DOCK3: variants seen among roughly 807,000 people sequenced by gnomAD.
DOCK3 encodes dedicator of cytokinesis 3, also known as dedicator of cytokinesis protein 3.
Under a neutral mutation model 265.6 loss-of-function variants are expected in DOCK3, and 60 were observed. The ratio of observed to expected loss-of-function variants is 0.23; its 90% CI spans 0.18 to 0.28. DOCK3 has a LOEUF of 0.28. Ranked by LOEUF, DOCK3 falls within the 10% of genes least tolerant of loss-of-function variation. DOCK3 has a pLI of 1.00. For missense variants in DOCK3, 1,981 were observed against 2,594.3 expected (o/e 0.76, Z 5.14); for synonymous variants, 881 against 938.0 (o/e 0.94, Z 1.11).
At chr3:50,787,029 AG>A (rs2042219690) in intron 2 of DOCK3, 1 of 740,724 alleles carries the variant, frequency 1.4e-6, no homozygotes, top group Non-Finnish European at 2.6e-6. Context: ...CAAATTTCAC[AG>A]GAAAATTTCT....
chr3:51,277,461 G>T, intron 25 of DOCK3, 147 bp from the exon 26 acceptor site: 1 of 1,036,106 alleles, frequency 9.7e-7, no homozygotes, highest in Non-Finnish European at 1.3e-6. Context: ...TGTCCTGGGT[G>T]CCTTGACACT....
At chr3:50,900,036 G>A (rs1013489430) in intron 4 of DOCK3, among the ~76,000 whole-genome samples, 2 of 152,114 alleles carry the variant, frequency 1.3e-5, no homozygotes, top group South Asian at 2.1e-4. Flanking sequence ...CTAGGTTGGG[G>A]AAAAGTTCTC....
At chr3:51,217,277 C>A (rs1276936121) in intron 14 of DOCK3, among the ~76,000 whole-genome samples, 1 of 152,004 alleles carries the variant, frequency 6.6e-6, no homozygotes, top group Admixed American at 6.6e-5. Flanking sequence ...CTAAAAAGAT[C>A]TTTTTGACAT....
intron 9 of DOCK3, among the ~76,000 whole-genome samples, chr3:51,101,195 A>G (rs2083076322): frequency 1.4e-5 from 2 of 140,834 alleles, no homozygotes; most frequent in South Asian, 4.4e-4. Context: ...ATCTCGGCTC[A>G]CTGCAAGCTC....
At chr3:51,303,590 G>A (rs1183334644) in intron 27 of DOCK3, among the ~76,000 whole-genome samples, 1 of 152,170 alleles carries the variant, frequency 6.6e-6, no homozygotes, top group African/African-American at 2.4e-5. Flanking sequence ...TTTGGATAGG[G>A]TTTTTGTGGG....
In DOCK3 at chr3:51,188,682, T is replaced by C. The variant is rs892738900; in HGVS notation, c.1038-20092T>C. 3.9e-5 allele frequency among the ~76,000 whole-genome samples: 6 copies of C among 152,332 alleles called. No homozygotes were observed. In the South Asian group the frequency reaches 1.2e-3, roughly 32 times the overall value. The stretch of plus-strand genomic sequence containing the variant: ...TAGTTCCCACATGTAAGTGAGAATG[T>C]CTTTTCATGCCTCATTTCATTTAAA... On this transcript the variant is annotated intron_variant, in intron 12 of 52. Coordinates refer to ENST00000266037, the MANE Select transcript of DOCK3 (RefSeq NM_004947.5).
At chr3:50,812,094 C>T (rs547549891) in intron 2 of DOCK3, among the ~76,000 whole-genome samples, 16 of 152,290 alleles carry the variant, frequency 1.1e-4, no homozygotes, top group South Asian at 8.3e-4. Context: ...AGAGGGCATG[C>T]GTTGGAGCTG....
intron 7 of DOCK3, among the ~76,000 whole-genome samples, chr3:51,084,679 A>G (rs1408655398): frequency 1.3e-5 from 2 of 152,228 alleles, no homozygotes; most frequent in South Asian, 2.1e-4. Flanking sequence ...GGTAGCATAC[A>G]TATACAAATG....
chr3:51,241,808 T>A (rs2078623905), intron 21 of DOCK3, among the ~76,000 whole-genome samples: 1 of 152,246 alleles, frequency 6.6e-6, no homozygotes, highest in African/African-American at 2.4e-5. Context: ...AACTATTTTG[T>A]CTGTCAGCTC....
At chr3:51,357,422 G>T (rs574249405) in intron 44 of DOCK3, among the ~76,000 whole-genome samples, 6 of 152,152 alleles carry the variant, frequency 3.9e-5, no homozygotes, top group Non-Finnish European at 5.9e-5. Context: ...GAGCCTTGGA[G>T]CCCAGCCCGT....
chr3:50,821,086 T>C (rs946562225), intron 2 of DOCK3, among the ~76,000 whole-genome samples: 1 of 151,730 alleles, frequency 6.6e-6, no homozygotes, highest in African/African-American at 2.4e-5. Flanking sequence ...TTTTTCCCAT[T>C]CTGTATGTTG....
intron 12 of DOCK3, 119 bp downstream of exon 12, chr3:51,160,821 A>G: frequency 7.8e-7 from 1 of 1,279,132 alleles, no homozygotes; most frequent in Non-Finnish European, 1.0e-6. Flanking sequence ...TCACGCCTGT[A>G]TTCCCAACAC....
chr3:50,740,327 C>T (rs1420864188), intron 1 of DOCK3, among the ~76,000 whole-genome samples: 2 of 152,102 alleles, frequency 1.3e-5, no homozygotes, highest in South Asian at 2.1e-4. Flanking sequence ...CTGCTGTGAA[C>T]ACCCATGAAT....
intron 10 of DOCK3, among the ~76,000 whole-genome samples, chr3:51,151,429 C>G (rs1331907984): frequency 1.3e-5 from 2 of 152,182 alleles, no homozygotes; most frequent in Non-Finnish European, 2.9e-5. Flanking sequence ...AAAACCCTAT[C>G]TGTAGGTCAC....
intron 1 of DOCK3, among the ~76,000 whole-genome samples, chr3:50,706,253 G>A (rs75077622): frequency 0.034 from 5,238 of 152,160 alleles, 135 homozygotes; most frequent in Non-Finnish European, 0.055. Flanking sequence ...TACAGATGTG[G>A]GACTCCCTTA....
chr3:50,964,584 A>C (rs2108415361), intron 5 of DOCK3, among the ~76,000 whole-genome samples: 1 of 152,280 alleles, frequency 6.6e-6, no homozygotes, highest in South Asian at 2.1e-4. Context: ...GAAGCCCAAA[A>C]GTGATAAAAT....
chr3:50,735,061 GA>G (rs1357815602), intron 1 of DOCK3, among the ~76,000 whole-genome samples: 12 of 152,218 alleles, frequency 7.9e-5, no homozygotes, highest in African/African-American at 2.9e-4. Context: ...CTTTGTTTCA[GA>G]AAGACAGCTT....
chr3:51,106,782 G>T (rs9865363), intron 9 of DOCK3, among the ~76,000 whole-genome samples: 126,637 of 152,134 alleles, frequency 0.83, 53,188 homozygotes, highest in East Asian at 0.95. Flanking sequence ...ATAGGAGGGG[G>T]TGCCCCCCCC....
intron 3 of DOCK3, among the ~76,000 whole-genome samples, chr3:50,843,282 T>C (rs2107282846): frequency 6.6e-6 from 1 of 152,310 alleles, no homozygotes; most frequent in South Asian, 2.1e-4. Context: ...GGGGTCAGTG[T>C]CCAAGACATT....
Sources: allele counts gnomAD v4.1 joint callset (sites outside exome capture counted in the v4.1 genomes callset), GRCh38; gene constraint gnomAD v4.1.1; transcripts MANE v1.5; gene names NCBI Gene and HGNC (gene_info 2026-07-23, HGNC 2026-07-21).